Variants in TNKS2 observed in about 807,000 individuals in gnomAD.
The protein encoded by TNKS2 is poly [ADP-ribose] polymerase tankyrase-2.
A neutral mutation model predicts 137.6 loss-of-function variants in TNKS2; 72 were observed. The ratio of observed to expected loss-of-function variants is 0.52; its 90% CI spans 0.43 to 0.64. The LOEUF is 0.64. Among genes scored for constraint, TNKS2 ranks in the 30% least tolerant of loss-of-function variants. The pLI is 0.00. For synonymous variants in TNKS2, 516 were observed against 512.1 expected (o/e 1.01, Z -0.10); for missense variants, 1,049 against 1,410.2 (o/e 0.74, Z 4.10).
intron 24 of TNKS2, among the ~76,000 whole-genome samples, chr10:91,858,689 G>A (rs1842776259): frequency 6.6e-6 from 1 of 152,188 alleles, no homozygotes; most frequent in East Asian, 1.9e-4. Flanking sequence ...GGATAGAAGA[G>A]AAGAGGTATA....
chr10:91,811,149 C>T (rs1844489875), intron 1 of TNKS2, among the ~76,000 whole-genome samples: 1 of 151,776 alleles, frequency 6.6e-6, no homozygotes, highest in South Asian at 2.1e-4. Context: ...TGGTCTCGAA[C>T]TCCTGACCTC....
At chr10:91,838,693 C>T (rs1159062945) in intron 13 of TNKS2, among the ~76,000 whole-genome samples, 1 of 152,112 alleles carries the variant, frequency 6.6e-6, no homozygotes, top group African/African-American at 2.4e-5. Flanking sequence ...TATATCTAGC[C>T]AGATCTTATT....
rs551552839 is a variant in TNKS2 at position 91,838,901 on chromosome 10, C to T, written c.1528-1660C>T. Among the ~76,000 whole-genome samples, 9 of 152,274 alleles carry T rather than the reference C, an allele frequency of 5.9e-5. No homozygotes were observed. The East Asian group carries it at 1.5e-3, about 26-fold the overall frequency. ...TGTTTGTTTGAGATGGAGTTTCACT[C>T]TTGTTGCCCAGGCTGGAGTGCAATT... On this transcript the variant is annotated intron_variant, in intron 13 of 26. Transcript: ENST00000371627.
At chr10:91,823,501 AT>A (rs906458508) in intron 7 of TNKS2, among the ~76,000 whole-genome samples, 2 of 151,238 alleles carry the variant, frequency 1.3e-5, no homozygotes, top group African/African-American at 4.9e-5. Context: ...CTAATTTTCT[AT>A]TTTTAGTAGA....
chr10:91,845,648 A>G (rs1770466), intron 17 of TNKS2, 104 bp from the exon 18 acceptor site: 480,931 of 941,780 alleles, frequency 0.51, 124,896 homozygotes, highest in East Asian at 0.7. Context: ...CATTTCCAGA[A>G]TAAGTTTGAA....
chr10:91,838,735 A>C (rs1188507028), intron 13 of TNKS2, among the ~76,000 whole-genome samples: 2 of 152,212 alleles, frequency 1.3e-5, no homozygotes, highest in Non-Finnish European at 2.9e-5. Context: ...TTACCAGGAC[A>C]ATGATTAAAC....
At chr10:91,851,026 A>G (rs17433251) in intron 20 of TNKS2, among the ~76,000 whole-genome samples, 190 bp from the exon 21 acceptor site, 16,360 of 152,230 alleles carry the variant, frequency 0.11, 1,158 homozygotes, top group Middle Eastern at 0.18. Flanking sequence ...AATGTGGTTA[A>G]TTTGAAAGTG....
intron 25 of TNKS2, among the ~76,000 whole-genome samples, chr10:91,861,593 G>A (rs1842852082): frequency 6.6e-6 from 1 of 152,126 alleles, no homozygotes. Flanking sequence ...AAAGTAAATG[G>A]ATTTCAAATA....
At chr10:91,820,962 G>A (rs1256230245) in intron 6 of TNKS2, among the ~76,000 whole-genome samples, 2 of 152,188 alleles carry the variant, frequency 1.3e-5, no homozygotes, top group Admixed American at 6.5e-5. Flanking sequence ...AATACAGGAG[G>A]CAAAATTGTT....
intron 16 of TNKS2, among the ~76,000 whole-genome samples, chr10:91,843,190 C>T (rs773144519): frequency 5.9e-5 from 9 of 152,090 alleles, no homozygotes; most frequent in Non-Finnish European, 1.2e-4. Flanking sequence ...TAACAAAATA[C>T]CAAAGACCAG....
chr10:91,845,229 T>C (rs776995929), intron 17 of TNKS2, among the ~76,000 whole-genome samples: 10 of 152,196 alleles, frequency 6.6e-5, no homozygotes, highest in Non-Finnish European at 1.5e-4. Context: ...TGTTGTTTGT[T>C]TTATTATCTG....
At chr10:91,817,581 C>G (rs1844748903) in intron 3 of TNKS2, among the ~76,000 whole-genome samples, 1 of 152,066 alleles carries the variant, frequency 6.6e-6, no homozygotes, top group African/African-American at 2.4e-5. Context: ...ATTTCTAACC[C>G]AAACTTCAAA....
Position 91,863,580 on chromosome 10 carries a change from A to C in TNKS2, c.*581A>C, listed in dbSNP as rs1315926901. On this transcript the variant is annotated 3_prime_UTR_variant, in exon 27 of 27. Transcript: ENST00000371627. Reference sequence around the variant, plus strand: ...ATTCCAGAGGCTATGTTCAGTTGTTAGTTGGGAAAGATTGAGTTATCAGAT... The same window carrying C: ...ATTCCAGAGGCTATGTTCAGTTGTTCGTTGGGAAAGATTGAGTTATCAGAT... 2 of 152,322 alleles carry C rather than the reference A, an allele frequency of 1.3e-5. No individual in the cohort carries two copies. The highest frequency in any genetic ancestry group is 3.8e-4 in the East Asian group (2 of 5,202). 9.4% of individuals were successfully genotyped at this position (152,322 alleles called of 1,614,324 possible). A position where few individuals can be genotyped will look rare whatever the true frequency, so the allele number is the denominator to read the frequency against.
In TNKS2 at chr10:91,853,417, T is replaced by A. The variant is rs1357584702; in HGVS notation, c.2816-1612T>A. ...TACTTTACTACATAAAGTTACCATC[T>A]TCTTTATGTTCATTCAAAGCCAATA... On this transcript the variant is annotated intron_variant, in intron 21 of 26. Coordinates refer to ENST00000371627, the MANE Select transcript of TNKS2 (RefSeq NM_025235.4). Among the ~76,000 whole-genome samples, 3 of 152,234 alleles carry A rather than the reference T, an allele frequency of 2.0e-5. No homozygotes were observed. The East Asian group carries it at 5.8e-4, about 29-fold the overall frequency.
At chr10:91,840,370 T>G (rs1192616512) in intron 13 of TNKS2, among the ~76,000 whole-genome samples, 191 bp from the exon 14 acceptor site, 1 of 151,604 alleles carries the variant, frequency 6.6e-6, no homozygotes, top group Non-Finnish European at 1.5e-5. Flanking sequence ...AAAAAGGGCA[T>G]GGATGAGAGG....
intron 21 of TNKS2, among the ~76,000 whole-genome samples, chr10:91,852,030 C>T (rs1380271542): frequency 6.6e-6 from 1 of 151,840 alleles, no homozygotes; most frequent in Non-Finnish European, 1.5e-5. Flanking sequence ...AGATCCAGAC[C>T]ATCCTGGCTA....
At chr10:91,842,875 T>C (rs1431375361) in intron 16 of TNKS2, among the ~76,000 whole-genome samples, 1 of 152,248 alleles carries the variant, frequency 6.6e-6, no homozygotes, top group East Asian at 1.9e-4. Flanking sequence ...TTAGCTGAGT[T>C]CGAGTTCACT....
rs368517245 is a variant in TNKS2, at chr10:91,855,708, A to G, written c.2988+20A>G. ...CTCAAGGTAATAAATTAGTGAAAGTAAAGTTTTCTGAGACTGTCGTTTTCA... is the reference window on the plus strand; with the variant it reads ...CTCAAGGTAATAAATTAGTGAAAGTGAAGTTTTCTGAGACTGTCGTTTTCA... On this transcript the variant is annotated intron_variant, in intron 23 of 26. Transcript: ENST00000371627. The G allele has an allele frequency of 1.0e-5, 16 of 1,584,404 alleles. No individual in the cohort carries two copies. In the African/African-American group the frequency reaches 1.4e-4, roughly 13 times the overall value.
chr10:91,850,556 A>G (rs1042669085), intron 20 of TNKS2, among the ~76,000 whole-genome samples: 2 of 151,860 alleles, frequency 1.3e-5, no homozygotes, highest in African/African-American at 4.8e-5. Flanking sequence ...CTTCCCTACT[A>G]AAAATACAAA....
Sources: allele counts gnomAD v4.1 joint callset (sites outside exome capture counted in the v4.1 genomes callset), GRCh38; gene constraint gnomAD v4.1.1; transcripts MANE v1.5; gene names NCBI Gene and HGNC (gene_info 2026-07-23, HGNC 2026-07-21).